Variants in GALNT13 observed in about 807,000 individuals in gnomAD.
GALNT13 encodes the protein polypeptide N-acetylgalactosaminyltransferase 13.
GALNT13 carries 28 observed loss-of-function variants against 64.2 expected under a neutral mutation model. The observed-to-expected ratio is 0.44, with a 90% CI of 0.32 to 0.60. GALNT13 has a LOEUF of 0.60. Ranked by LOEUF, GALNT13 falls within the 20% of genes least tolerant of loss-of-function variation. The pLI, the probability that GALNT13 is intolerant of heterozygous loss-of-function variation, is 0.05. For missense variants in GALNT13, 577 were observed against 669.8 expected (o/e 0.86, Z 1.53); for synonymous variants, 214 against 224.6 (o/e 0.95, Z 0.42).
At chr2:153,741,402 G>A in the GALNT13 span, among the ~76,000 whole-genome samples, 2 of 151,166 alleles carry the variant, frequency 1.3e-5, no homozygotes, top group South Asian at 2.1e-4. Context: ...TTCTTCAATC[G>A]CTCTTATTAA....
chr2:154,062,151 A>G (rs549125519), intron 3 of GALNT13, among the ~76,000 whole-genome samples: 29 of 152,334 alleles, frequency 1.9e-4, no homozygotes, highest in South Asian at 1.0e-3. Flanking sequence ...TGGTATCTTC[A>G]AACTCTAATA....
the GALNT13 span, among the ~76,000 whole-genome samples, chr2:153,860,410 G>T: frequency 1.1e-4 from 17 of 152,086 alleles, no homozygotes; most frequent in Non-Finnish European, 1.9e-4. Flanking sequence ...GGATATAGTT[G>T]CTTGACTATT....
chr2:154,213,648 A>G (rs998503568), intron 4 of GALNT13, among the ~76,000 whole-genome samples: 2 of 152,072 alleles, frequency 1.3e-5, no homozygotes, highest in African/African-American at 2.4e-5. Flanking sequence ...CAGGCAGACA[A>G]TATGATTTTG....
chr2:153,513,045 G>A, the GALNT13 span, among the ~76,000 whole-genome samples: 1 of 152,208 alleles, frequency 6.6e-6, no homozygotes, highest in African/African-American at 2.4e-5. Flanking sequence ...TCTGTTGGAT[G>A]CTTGAGTCCC....
chr2:153,131,994 G>A, the GALNT13 span, among the ~76,000 whole-genome samples: 1 of 152,120 alleles, frequency 6.6e-6, no homozygotes, highest in Admixed American at 6.5e-5. Flanking sequence ...GAAAGGTGAG[G>A]AAGGAGCCTT....
chr2:154,299,969 C>T (rs1693333677), intron 8 of GALNT13, among the ~76,000 whole-genome samples: 1 of 151,908 alleles, frequency 6.6e-6, no homozygotes, highest in Non-Finnish European at 1.5e-5. Flanking sequence ...TATTATTTAT[C>T]ATCTTTTATC....
chr2:154,137,287 C>A (rs1683010525), intron 3 of GALNT13, among the ~76,000 whole-genome samples: 1 of 150,282 alleles, frequency 6.7e-6, no homozygotes, highest in African/African-American at 2.5e-5. Context: ...AATAGGCCTG[C>A]TTATACACAG....
At chr2:153,317,653 C>T in the GALNT13 span, among the ~76,000 whole-genome samples, 1 of 151,940 alleles carries the variant, frequency 6.6e-6, no homozygotes, top group East Asian at 1.9e-4. Context: ...ATACTGATAC[C>T]AGGCAGTTAC....
At chr2:154,298,756 ACT>A (rs74196921) in intron 8 of GALNT13, among the ~76,000 whole-genome samples, 6,794 of 38,172 alleles carry the variant, frequency 0.18, 2,149 homozygotes, top group East Asian at 0.74. Context: ...AAATATATAT[ACT>A]ATATATAAAT....
At chr2:154,119,252 T>C (rs1681791498) in intron 3 of GALNT13, among the ~76,000 whole-genome samples, 1 of 152,190 alleles carries the variant, frequency 6.6e-6, no homozygotes, top group Non-Finnish European at 1.5e-5. Context: ...TTGAATATAT[T>C]ATTCAAATTT....
chr2:153,832,230 G>A, the GALNT13 span, among the ~76,000 whole-genome samples: 2 of 152,002 alleles, frequency 1.3e-5, no homozygotes, highest in African/African-American at 4.8e-5. Flanking sequence ...GACTAACAAA[G>A]GACAAGGAAG....
the GALNT13 span, among the ~76,000 whole-genome samples, chr2:153,183,066 A>G: frequency 2.0e-5 from 3 of 152,168 alleles, no homozygotes; most frequent in Admixed American, 6.5e-5. Flanking sequence ...GTCTTCCACA[A>G]TGGTTGAATT....
chr2:153,996,076 T>C (rs181405744), intron 3 of GALNT13, among the ~76,000 whole-genome samples: 10 of 152,322 alleles, frequency 6.6e-5, no homozygotes, highest in East Asian at 5.8e-4. Flanking sequence ...CATTCATTGG[T>C]TGATGGATGC....
the GALNT13 span, among the ~76,000 whole-genome samples, chr2:153,221,601 A>G: frequency 6.6e-6 from 1 of 152,296 alleles, no homozygotes; most frequent in Non-Finnish European, 1.5e-5. Context: ...TGCTTGGCTC[A>G]TTCTGCCCAC....
chr2:153,628,239 T>C, the GALNT13 span, among the ~76,000 whole-genome samples: 1 of 151,678 alleles, frequency 6.6e-6, no homozygotes, highest in Non-Finnish European at 1.5e-5. Flanking sequence ...CTTAAGGAGA[T>C]TTTGGGCTGA....
the GALNT13 span, among the ~76,000 whole-genome samples, chr2:153,287,244 TCCTGAGCATCGCCGACC>T: frequency 1.3e-5 from 2 of 152,136 alleles, no homozygotes; most frequent in Non-Finnish European, 2.9e-5. Flanking sequence ...GACGGGCAAG[TCCTGAGCATCGCCGACC>T]CCACAGCACC....
chr2:153,367,486 A>G, the GALNT13 span, among the ~76,000 whole-genome samples: 4 of 152,084 alleles, frequency 2.6e-5, no homozygotes, highest in African/African-American at 9.7e-5. Flanking sequence ...TAAATTAAGG[A>G]TCTTGAAATT....
At chr2:153,911,597 G>T (rs779141870) in intron 2 of GALNT13, among the ~76,000 whole-genome samples, 1 of 152,136 alleles carries the variant, frequency 6.6e-6, no homozygotes, top group African/African-American at 2.4e-5. Context: ...TTATAAGCGA[G>T]TTTGGTGGTA....
chr2:153,978,625 T>C (rs1316182834), intron 3 of GALNT13, among the ~76,000 whole-genome samples: 1 of 152,162 alleles, frequency 6.6e-6, no homozygotes, highest in East Asian at 1.9e-4. Flanking sequence ...GCCACCACCA[T>C]GTAAGAAGTG....
Sources: gnomAD v4.1 joint callset for allele counts (sites outside exome capture counted in the v4.1 genomes callset) on GRCh38, gnomAD v4.1.1 for gene constraint, MANE v1.5 for transcripts, NCBI Gene and HGNC (gene_info 2026-07-23, HGNC 2026-07-21) for gene names.